Variants in GRIA4 observed in about 807,000 individuals in gnomAD.
GRIA4 encodes the protein glutamate ionotropic receptor AMPA type subunit 4.
In GRIA4, 34 loss-of-function variants were observed where a neutral mutation model predicts 104.0. The ratio of observed to expected loss-of-function variants is 0.33; its 90% CI spans 0.25 to 0.44. The LOEUF (loss-of-function observed/expected upper bound fraction) is 0.44. Ranked by LOEUF, GRIA4 falls within the 20% of genes least tolerant of loss-of-function variation. The pLI, the probability that GRIA4 is intolerant of heterozygous loss-of-function variation, is 1.00. For missense variants in GRIA4, 750 were observed against 1,096.5 expected (o/e 0.68, Z 4.46); for synonymous variants, 386 against 381.9 (o/e 1.01, Z -0.13).
At chr11:105,931,265 T>TGC (rs377508451) in intron 13 of GRIA4, among the ~76,000 whole-genome samples, 10 of 143,688 alleles carry the variant, frequency 7.0e-5, no homozygotes, top group Non-Finnish European at 1.1e-4. Context: ...ATTGCCTAAA[T>TGC]ACACACACAC....
chr11:105,891,054 A>C (rs1946436567), intron 6 of GRIA4, among the ~76,000 whole-genome samples: 1 of 152,196 alleles, frequency 6.6e-6, no homozygotes, highest in Non-Finnish European at 1.5e-5. Flanking sequence ...CAGTTGGTTT[A>C]TCCTAGTCTG....
intron 10 of GRIA4, among the ~76,000 whole-genome samples, chr11:105,914,167 C>G (rs1947335286): frequency 6.6e-6 from 1 of 151,662 alleles, no homozygotes; most frequent in Non-Finnish European, 1.5e-5. Context: ...GCTTATAAAT[C>G]AGTTAGTTTT....
chr11:105,754,136 C>T (rs1940167844), intron 4 of GRIA4, among the ~76,000 whole-genome samples: 2 of 152,094 alleles, frequency 1.3e-5, no homozygotes, highest in Admixed American at 1.3e-4. Context: ...TAACAAGCTC[C>T]CATCTTGGAG....
intron 3 of GRIA4, among the ~76,000 whole-genome samples, chr11:105,722,471 A>T (rs1937890971): frequency 6.6e-6 from 1 of 152,154 alleles, no homozygotes; most frequent in Admixed American, 6.6e-5. Context: ...GTAGAGAAGC[A>T]TCTGTACTAG....
At chr11:105,922,845 T>C (rs990760657) in intron 11 of GRIA4, among the ~76,000 whole-genome samples, 7 of 152,138 alleles carry the variant, frequency 4.6e-5, no homozygotes, top group Non-Finnish European at 1.0e-4. Context: ...AATTAAAATA[T>C]ACTGATTTTT....
At chr11:105,727,659 C>T (rs921072269) in intron 3 of GRIA4, among the ~76,000 whole-genome samples, 1 of 152,154 alleles carries the variant, frequency 6.6e-6, no homozygotes, top group Non-Finnish European at 1.5e-5. Context: ...GGAAGCCCAT[C>T]AGACTAACAG....
chr11:105,753,862 G>A (rs1435119408), intron 4 of GRIA4, among the ~76,000 whole-genome samples: 2 of 152,114 alleles, frequency 1.3e-5, no homozygotes, highest in African/African-American at 4.8e-5. Flanking sequence ...TAGAAGAAAT[G>A]GATGGGAAGA....
At chr11:105,683,944 G>A (rs991200267) in intron 3 of GRIA4, among the ~76,000 whole-genome samples, 2 of 151,800 alleles carry the variant, frequency 1.3e-5, no homozygotes, top group Non-Finnish European at 2.9e-5. Context: ...GCGCCATCTC[G>A]GCTCACTGCA....
At chr11:105,780,751 G>A (rs543692991) in intron 4 of GRIA4, among the ~76,000 whole-genome samples, 10 of 152,168 alleles carry the variant, frequency 6.6e-5, no homozygotes, top group South Asian at 6.2e-4. Context: ...AAAAATAATC[G>A]TAACCATATC....
intron 3 of GRIA4, among the ~76,000 whole-genome samples, chr11:105,734,083 AC>A (rs1210954791): frequency 6.8e-6 from 1 of 147,646 alleles, no homozygotes; most frequent in East Asian, 1.9e-4. Context: ...TATATTTTAT[AC>A]ATATATATAT....
At chr11:105,907,361 C>A (rs2136154247) in intron 9 of GRIA4, among the ~76,000 whole-genome samples, 1 of 152,232 alleles carries the variant, frequency 6.6e-6, no homozygotes, top group South Asian at 2.1e-4. Flanking sequence ...GGCATTGTGT[C>A]AGGAATATTA....
At chr11:105,877,381 G>A (rs1020470055) in intron 5 of GRIA4, among the ~76,000 whole-genome samples, 8 of 152,014 alleles carry the variant, frequency 5.3e-5, no homozygotes, top group Middle Eastern at 3.2e-3. Flanking sequence ...TGACAATTAC[G>A]TGTCTTGGGG....
At position 105,773,279 on chromosome 11, in the gene GRIA4, A is replaced by G. The variant is rs1453604209; in HGVS notation, c.487+20059A>G. Among the ~76,000 whole-genome samples the G allele has an allele frequency of 3.3e-5, 5 of 152,136 alleles. No individual in the cohort carries two copies. The East Asian group carries it at 9.6e-4, about 29-fold the overall frequency. On this transcript the variant is annotated intron_variant, in intron 4 of 16. Coordinates refer to ENST00000282499, the MANE Select transcript of GRIA4 (RefSeq NM_000829.4). ...GAGACAAATCTAAAAGAAACATAGC[A>G]ATGGTTCCAACCAAGGGGTTGAGCA...
At chr11:105,724,705 A>T (rs1334977691) in intron 3 of GRIA4, among the ~76,000 whole-genome samples, 1 of 152,130 alleles carries the variant, frequency 6.6e-6, no homozygotes, top group Non-Finnish European at 1.5e-5. Flanking sequence ...ATTTGAGTGA[A>T]GAATACACTA....
intron 3 of GRIA4, among the ~76,000 whole-genome samples, chr11:105,715,567 A>G (rs1954062931): frequency 1.3e-5 from 2 of 152,190 alleles, no homozygotes; most frequent in African/African-American, 4.8e-5. Flanking sequence ...TACAGAAAAT[A>G]CCAAATTTGA....
At chr11:105,777,178 A>C (rs534762657) in intron 4 of GRIA4, among the ~76,000 whole-genome samples, 1 of 152,200 alleles carries the variant, frequency 6.6e-6, no homozygotes, top group Non-Finnish European at 1.5e-5. Context: ...TTTTTTCTTC[A>C]TACTTTATTT....
Position 105,753,080 on chromosome 11 carries a change from C to G in GRIA4, c.347C>G (p.Ser116Cys), listed in dbSNP as rs781164428. 2 of 1,613,816 alleles carry G rather than the reference C, an allele frequency of 1.2e-6. No individual in the cohort carries two copies. The highest frequency in any genetic ancestry group is 1.7e-6 in the Non-Finnish European group (2 of 1,179,844). Residue 116 changes from serine (S) to cysteine (C), a missense_variant, in exon 4 of 17, where the codon TCC (serine) becomes TGC (cysteine). Coordinates refer to ENST00000282499, the MANE Select transcript of GRIA4 (RefSeq NM_000829.4). ...TCATTCTGCAGCGCCTTACATATCT[C>G]CCTCATCACACCAAGTTTCCCTACT... ...LTSFCSALHI[S>C]LITPSFPTEG... is the part of the protein sequence containing the mutation.
At chr11:105,859,401 G>C (rs1465700181) in intron 4 of GRIA4, among the ~76,000 whole-genome samples, 1 of 152,174 alleles carries the variant, frequency 6.6e-6, no homozygotes, top group East Asian at 1.9e-4. Flanking sequence ...GGTTCTGTCT[G>C]ATTCCAATTC....
intron 3 of GRIA4, among the ~76,000 whole-genome samples, chr11:105,743,594 A>G (rs1298659787): frequency 6.6e-6 from 1 of 152,194 alleles, no homozygotes; most frequent in East Asian, 1.9e-4. Context: ...TACATATTTA[A>G]ACCATTTCTT....
Sources: gnomAD v4.1 joint callset for allele counts (sites outside exome capture counted in the v4.1 genomes callset) on GRCh38, gnomAD v4.1.1 for gene constraint, MANE v1.5 for transcripts, NCBI Gene and HGNC (gene_info 2026-07-23, HGNC 2026-07-21) for gene names.